Variants in MFSD11 observed in about 807,000 individuals in gnomAD.
MFSD11 encodes the protein major facilitator superfamily domain containing 11.
MFSD11 carries 36 observed loss-of-function variants against 53.5 expected under a neutral mutation model. The observed-to-expected ratio is 0.67, with a 90% CI of 0.52 to 0.89. The LOEUF (loss-of-function observed/expected upper bound fraction) is 0.89, where lower values mean the gene tolerates loss of function less well. MFSD11 is among the 40% of genes least tolerant of loss of function. The pLI is 0.00. For missense variants in MFSD11, 530 were observed against 543.9 expected (o/e 0.97, Z 0.25); for synonymous variants, 186 against 184.9 (o/e 1.01, Z -0.05).
At chr17:76,770,275 T>A (rs750064779) in intron 10 of MFSD11, among the ~76,000 whole-genome samples, 1 of 152,050 alleles carries the variant, frequency 6.6e-6, no homozygotes, top group Non-Finnish European at 1.5e-5. Context: ...CCTGACCTCA[T>A]GATCCGCCCA....
intron 2 of MFSD11, among the ~76,000 whole-genome samples, chr17:76,740,601 T>A (rs918107391): frequency 4.0e-5 from 6 of 149,778 alleles, no homozygotes; most frequent in Non-Finnish European, 8.8e-5. Flanking sequence ...TATTTCCTTT[T>A]TCTTTTCTTT....
intron 8 of MFSD11, among the ~76,000 whole-genome samples, chr17:76,759,111 G>A (rs981942977): frequency 1.3e-5 from 2 of 151,888 alleles, no homozygotes; most frequent in African/African-American, 4.8e-5. Flanking sequence ...ATAAAAATTA[G>A]CTGGGAATGG....
At chr17:76,749,341 T>C (rs1266131479) in intron 7 of MFSD11, among the ~76,000 whole-genome samples, 2 of 150,852 alleles carry the variant, frequency 1.3e-5, no homozygotes, top group Non-Finnish European at 3.0e-5. Flanking sequence ...CTGAGCAACA[T>C]GGCGAAACAC....
chr17:76,755,589 C>G (rs898733195), intron 8 of MFSD11, among the ~76,000 whole-genome samples: 5 of 151,714 alleles, frequency 3.3e-5, no homozygotes, highest in Non-Finnish European at 7.4e-5. Context: ...CTTGTTAACT[C>G]TTGGCCAGAA....
chr17:76,773,922 T>A (rs184520530), intron 10 of MFSD11, among the ~76,000 whole-genome samples: 20 of 152,032 alleles, frequency 1.3e-4, no homozygotes, highest in Middle Eastern at 6.9e-3. Flanking sequence ...TAAATTTTTT[T>A]AAATTATTTT....
intron 7 of MFSD11, among the ~76,000 whole-genome samples, chr17:76,745,172 A>C (rs539884761): frequency 2.0e-5 from 3 of 152,222 alleles, no homozygotes; most frequent in Non-Finnish European, 4.4e-5. Flanking sequence ...TTTGTGATAC[A>C]TTGTGAAGAT....
In MFSD11 at chr17:76,778,180, G is replaced by A. The variant is rs1431736173; in HGVS notation, c.1186-8G>A. ...GCGCCCGTTGTGATTTGTTTTGTTT[G>A]TTCTTAGTCTATTTGCGCAGCCGTG... is the stretch of plus-strand genomic sequence containing the variant. On this transcript the variant is annotated splice_polypyrimidine_tract_variant and splice_region_variant and intron_variant, in intron 12 of 12. Transcript: ENST00000685175. 1 of 1,614,008 alleles carries A rather than the reference G, an allele frequency of 6.2e-7. No individual in the cohort carries two copies. The highest frequency in any genetic ancestry group is 1.3e-5 in the African/African-American group (1 of 74,918).
Position 76,742,210 on chromosome 17 carries a change from T to A in MFSD11, c.374T>A (p.Ile125Asn). The change falls in exon 5 of 13, where the codon ATC (isoleucine) becomes AAC (asparagine). Residue 125 changes from isoleucine to asparagine, a missense_variant. Physicochemically the swap from Ile to Asn is moderately radical, Grantham distance 149. Transcript: ENST00000685175. Reference sequence around the variant, plus strand: ...ACAGCACAAGGAAACTGCCTGACAATCAATTCGGATGAGCACAGCATTGGG... The same window carrying A: ...ACAGCACAAGGAAACTGCCTGACAAACAATTCGGATGAGCACAGCATTGGG... ...LWTAQGNCLT[I>N]NSDEHSIGRN... 6.2e-7 allele frequency: 1 copy of A among 1,614,206 alleles called. No individual in the cohort carries two copies. Among genetic ancestry groups the A allele is most frequent in the Non-Finnish European group, 8.5e-7 (1 of 1,180,030 alleles).
At chr17:76,736,969 G>A (rs778600867), upstream of MFSD11, 17 of 1,613,438 alleles carry the variant, frequency 1.1e-5, no homozygotes, top group Admixed American at 3.3e-5. Context: ...CGTCGCGCTT[G>A]TCGTGAAAGC....
chr17:76,745,204 T>C (rs895842396), intron 7 of MFSD11, among the ~76,000 whole-genome samples: 2 of 152,220 alleles, frequency 1.3e-5, no homozygotes, highest in African/African-American at 4.8e-5. Context: ...ATTTTATATA[T>C]TGTTAAAACT....
chr17:76,737,305 G>T (rs1012379426), upstream of MFSD11: 6 of 1,138,740 alleles, frequency 5.3e-6, no homozygotes, highest in African/African-American at 3.1e-5. Context: ...GACGGGCTCC[G>T]CAGGCTAGCG....
chr17:76,799,968 T>A, the MFSD11 span, among the ~76,000 whole-genome samples: 1 of 149,280 alleles, frequency 6.7e-6, no homozygotes, highest in Non-Finnish European at 1.5e-5. Context: ...TTTTTTTTTT[T>A]TTTTTGAGAC....
In MFSD11 at chr17:76,765,909, T is replaced by C. The variant is rs149697262; in HGVS notation, c.683-1477T>C. Among the ~76,000 whole-genome samples the C allele has an allele frequency of 1.2e-4, 18 of 151,870 alleles. 1 individual carries two copies. The East Asian group carries it at 3.5e-3, about 29-fold the overall frequency. ...ACATGTATGGAACTTCCCTCTGTTA[T>C]TAATGTTCCCCACCAGAGCACATTT... On this transcript the variant is annotated intron_variant, in intron 8 of 12. Coordinates refer to ENST00000685175, the MANE Select transcript of MFSD11 (RefSeq NM_001242532.5).
chr17:76,757,866 C>T (rs2079807472), intron 8 of MFSD11, among the ~76,000 whole-genome samples: 1 of 152,032 alleles, frequency 6.6e-6, no homozygotes. Flanking sequence ...AAAAAATTAG[C>T]CAGGCATGGT....
At chr17:76,754,683 CA>C (rs10667934) in intron 8 of MFSD11, among the ~76,000 whole-genome samples, 11 of 119,382 alleles carry the variant, frequency 9.2e-5, no homozygotes, top group Admixed American at 9.0e-5. Context: ...GACTCCATCT[CA>C]AAAAAAAAAA....
chr17:76,796,188 CCT>C, the MFSD11 span, among the ~76,000 whole-genome samples: 3 of 152,142 alleles, frequency 2.0e-5, no homozygotes, highest in African/African-American at 7.2e-5. Context: ...TGTGGAATGA[CCT>C]CTCTTTCTCC....
At chr17:76,802,473 T>A in the MFSD11 span, among the ~76,000 whole-genome samples, 1,365 of 152,314 alleles carry the variant, frequency 9.0e-3, 19 homozygotes, top group African/African-American at 0.03. Flanking sequence ...CTTAGAAATT[T>A]ACTTTCACAA....
At position 76,778,617 on chromosome 17, in the gene MFSD11, T is replaced by C. The variant is rs898176078; in HGVS notation, c.*265T>C. The C allele has an allele frequency of 1.0e-5, 4 of 392,712 alleles. No homozygotes were observed. The highest frequency in any genetic ancestry group is 4.1e-5 in the East Asian group (1 of 24,298). The allele number at this position is 392,712 out of a possible 1,614,324, so 24.3% of individuals were successfully genotyped here. A position where few individuals can be genotyped will look rare whatever the true frequency, so the allele number is the denominator to read the frequency against. Reference sequence around the variant, plus strand: ...TTCATTTCATCTATCTCAATTCTTATAATCATGTTATAGAATGTAAATGTT... The same window carrying C: ...TTCATTTCATCTATCTCAATTCTTACAATCATGTTATAGAATGTAAATGTT... On this transcript the variant is annotated 3_prime_UTR_variant, in exon 13 of 13. Transcript: ENST00000685175.
rs1555658722 is a variant in MFSD11 at position 76,741,032 on chromosome 17, A to G, written c.228A>G (p.Gln76=). 2.5e-6 allele frequency: 4 copies of G among 1,611,166 alleles called. 1 individual carries two copies. Among genetic ancestry groups the G allele is most frequent in the South Asian group, 2.2e-5 (2 of 90,994 alleles). Residue 76 remains glutamine, a synonymous_variant, in exon 3 of 13, where the codon CAA becomes CAG. Coordinates refer to ENST00000685175, the MANE Select transcript of MFSD11 (RefSeq NM_001242532.5). ...TPSVVAIVGP[Q]LSMFASGLFY... ...CAGTGGTTGCCATTGTAGGACCTCAACTCTCTATGTTTGCCAGTGGTTTAT... is the reference window on the plus strand; with the variant it reads ...CAGTGGTTGCCATTGTAGGACCTCAGCTCTCTATGTTTGCCAGTGGTTTAT...
Sources: gnomAD v4.1 joint callset for allele counts (sites outside exome capture counted in the v4.1 genomes callset) on GRCh38, gnomAD v4.1.1 for gene constraint, MANE v1.5 for transcripts, NCBI Gene and HGNC (gene_info 2026-07-23, HGNC 2026-07-21) for gene names.